Variants in P2RY8 observed in about 807,000 individuals in gnomAD.
P2RY8 encodes the protein P2Y receptor family member 8, also known as S-geranylgeranyl-glutathione receptor P2RY8.
Under a neutral mutation model 10.0 loss-of-function variants are expected in P2RY8, and 6 were observed. The ratio of observed to expected loss-of-function variants is 0.60; its 90% CI spans 0.33 to 1.19. The LOEUF (loss-of-function observed/expected upper bound fraction) is 1.19. Ranked by LOEUF, P2RY8 falls within the 50% of genes most tolerant of loss-of-function variation. The pLI is 0.04. For synonymous variants in P2RY8, 276 were observed against 252.5 expected (o/e 1.09, Z -0.88); for missense variants, 456 against 542.0 (o/e 0.84, Z 1.58).
intron 1 of P2RY8, among the ~76,000 whole-genome samples, chrX:1,496,184 A>G (rs1241380724): frequency 1.6e-4 from 24 of 152,188 alleles, no homozygotes; most frequent in Non-Finnish European, 3.1e-4. Flanking sequence ...AATGGAAGTG[A>G]ACTTGGGATG....
chrX:1,462,727 G>T lies in P2RY8; in HGVS notation c.*2752C>A. 4.3e-6 allele frequency: 1 copy of T among 233,110 alleles called. No homozygotes were observed. Among genetic ancestry groups the T allele is most frequent in the Non-Finnish European group, 8.5e-6 (1 of 117,958 alleles). The allele number at this position is 233,110 out of a possible 1,614,324, so 14.4% of individuals were successfully genotyped here. A position where few individuals can be genotyped will look rare whatever the true frequency, so the allele number is the denominator to read the frequency against. ...GCCTCCCAAAGTGCTGAGATTACCGGCATGAGCTGCCACGCCTTGATGGAG... is the reference window on the plus strand; with the variant it reads ...GCCTCCCAAAGTGCTGAGATTACCGTCATGAGCTGCCACGCCTTGATGGAG... On this transcript the variant is annotated 3_prime_UTR_variant, in exon 2 of 2. Transcript: ENST00000381297.
chrX:1,515,323 C>T (rs1181227881), intron 1 of P2RY8, among the ~76,000 whole-genome samples: 2 of 151,494 alleles, frequency 1.3e-5, no homozygotes, highest in Non-Finnish European at 2.9e-5. Flanking sequence ...GGGTTTAGAA[C>T]GTTAAGTTGT....
intron 1 of P2RY8, among the ~76,000 whole-genome samples, chrX:1,527,304 C>G (rs1175925744): frequency 6.6e-6 from 1 of 152,006 alleles, no homozygotes; most frequent in African/African-American, 2.4e-5. Context: ...CATTCCTTAT[C>G]CATCCACTCA....
At chrX:1,497,656 A>AAAAT (rs200860203) in intron 1 of P2RY8, among the ~76,000 whole-genome samples, 18,428 of 151,632 alleles carry the variant, frequency 0.12, 2,078 homozygotes, top group African/African-American at 0.3. Flanking sequence ...ACTCTGTCTC[A>AAAAT]AAATAAATAA....
In P2RY8 at chrX:1,465,416, C is replaced by T. The variant is rs1399355567; in HGVS notation, c.*63G>A. 2 of 1,531,280 alleles carry T rather than the reference C, an allele frequency of 1.3e-6. No homozygotes were observed. The highest frequency in any genetic ancestry group is 4.5e-5 in the East Asian group (2 of 44,368). The allele number at this position is 1,531,280 out of a possible 1,614,324, so 94.9% of individuals were successfully genotyped here. A position where few individuals can be genotyped will look rare whatever the true frequency, so the allele number is the denominator to read the frequency against. On this transcript the variant is annotated 3_prime_UTR_variant, in exon 2 of 2. Coordinates refer to ENST00000381297, the MANE Select transcript of P2RY8 (RefSeq NM_178129.5). ...CTCCCTGAACCTCTGGCACCGTGGC[C>T]TCTCCATGCGCCCCTGGATCTCCAA...
intron 1 of P2RY8, among the ~76,000 whole-genome samples, chrX:1,503,075 G>T (rs2092195292): frequency 1.3e-5 from 2 of 151,630 alleles, no homozygotes; most frequent in Non-Finnish European, 2.9e-5. Context: ...TAAATCCAAT[G>T]ACAGGTGCCC....
intron 1 of P2RY8, among the ~76,000 whole-genome samples, chrX:1,526,645 C>T (rs779598958): frequency 7.2e-4 from 109 of 151,510 alleles, no homozygotes; most frequent in African/African-American, 2.4e-3. Context: ...CATTTATCCA[C>T]TCATTCATTC....
intron 1 of P2RY8, among the ~76,000 whole-genome samples, chrX:1,512,564 A>AG (rs1235705004): frequency 1.3e-5 from 2 of 151,184 alleles, no homozygotes; most frequent in Admixed American, 6.6e-5. Context: ...AAAAAAAAAA[A>AG]AGAGACATAC....
chrX:1,515,068 C>T (rs2092335451), intron 1 of P2RY8, among the ~76,000 whole-genome samples: 1 of 150,108 alleles, frequency 6.7e-6, no homozygotes, highest in African/African-American at 2.5e-5. Context: ...ACCACCACAC[C>T]CAGCTAATTT....
At chrX:1,500,019 C>T (rs185491614) in intron 1 of P2RY8, among the ~76,000 whole-genome samples, 37,120 of 91,746 alleles carry the variant, frequency 0.4, 12,642 homozygotes, top group East Asian at 0.7. Context: ...CCACCATGCC[C>T]AGCTAATTTT....
chrX:1,530,612 A>G (rs1407829865), intron 1 of P2RY8, among the ~76,000 whole-genome samples: 8 of 150,838 alleles, frequency 5.3e-5, no homozygotes, highest in Non-Finnish European at 1.5e-5. Context: ...ATCTATATGT[A>G]TGTGTGTATC....
intron 1 of P2RY8, among the ~76,000 whole-genome samples, chrX:1,531,695 C>T (rs1249023773): frequency 2.0e-5 from 3 of 152,162 alleles, no homozygotes; most frequent in African/African-American, 7.2e-5. Flanking sequence ...ATCCTGCTTC[C>T]ACAAAGTCCC....
At chrX:1,474,486 A>G (rs764164558) in intron 1 of P2RY8, among the ~76,000 whole-genome samples, 12 of 107,852 alleles carry the variant, frequency 1.1e-4, no homozygotes, top group African/African-American at 3.5e-4. Context: ...TGATGAATGG[A>G]TGAGGATGGG....
chrX:1,515,604 C>T (rs1166619880), intron 1 of P2RY8, among the ~76,000 whole-genome samples: 1 of 151,544 alleles, frequency 6.6e-6, no homozygotes, highest in East Asian at 2.0e-4. Context: ...CTCCTGACCT[C>T]ACGTGATCCA....
intron 1 of P2RY8, among the ~76,000 whole-genome samples, chrX:1,469,865 CTCCA>C (rs1284626033): frequency 2.0e-5 from 3 of 152,036 alleles, no homozygotes; most frequent in East Asian, 1.9e-4. Flanking sequence ...CACCACTGTA[CTCCA>C]TCCAGCCTGG....
chrX:1,503,263 G>T (rs1157605205), intron 1 of P2RY8, among the ~76,000 whole-genome samples: 1 of 152,178 alleles, frequency 6.6e-6, no homozygotes, highest in Admixed American at 6.6e-5. Flanking sequence ...GAGACATTTT[G>T]ATCTCAGACT....
At chrX:1,507,251 G>T (rs1380109114) in intron 1 of P2RY8, among the ~76,000 whole-genome samples, 2 of 152,046 alleles carry the variant, frequency 1.3e-5, no homozygotes, top group East Asian at 1.9e-4. Context: ...ATCAGGGCAG[G>T]CGTCCTCACT....
At chrX:1,535,870 T>A (rs1370413495) in intron 1 of P2RY8, among the ~76,000 whole-genome samples, 3 of 152,162 alleles carry the variant, frequency 2.0e-5, no homozygotes, top group South Asian at 2.1e-4. Context: ...AGCAGCTCCC[T>A]CTGCCTTTTC....
chrX:1,494,669 G>A (rs1243889649), intron 1 of P2RY8, among the ~76,000 whole-genome samples: 1 of 152,052 alleles, frequency 6.6e-6, no homozygotes, highest in Non-Finnish European at 1.5e-5. Flanking sequence ...TGCTTTATGT[G>A]AAAATACTAA....
Sources: gnomAD v4.1 joint callset for allele counts (sites outside exome capture counted in the v4.1 genomes callset) on GRCh38, gnomAD v4.1.1 for gene constraint, MANE v1.5 for transcripts, NCBI Gene and HGNC (gene_info 2026-07-23, HGNC 2026-07-21) for gene names.